CRYBG1: variants seen among roughly 807,000 people sequenced by gnomAD.
CRYBG1 encodes the protein crystallin beta-gamma domain containing 1, also known as beta/gamma crystallin domain-containing protein 1.
Under a neutral mutation model 189.2 loss-of-function variants are expected in CRYBG1, and 139 were observed. The observed-to-expected ratio is 0.73, with a 90% confidence interval of 0.64 to 0.85. CRYBG1 has a LOEUF of 0.85. Ranked by LOEUF, CRYBG1 falls within the 40% of genes least tolerant of loss-of-function variation. The probability of loss-of-function intolerance (pLI) is 0.00; values close to 1 mark genes in which losing one functional copy is unlikely to be tolerated. For synonymous variants in CRYBG1, 1,023 were observed against 1,017.1 expected, an observed-to-expected ratio of 1.01 and a Z score of -0.11; for missense variants, 2,611 against 2,675.8, an observed-to-expected ratio of 0.98 and a Z score of 0.53.
At chr6:106,493,266 A>C (rs1772765410) in intron 2 of CRYBG1, among the ~76,000 whole-genome samples, 1 of 152,240 alleles carries the variant, frequency 6.6e-6, no homozygotes, top group South Asian at 2.1e-4. Flanking sequence ...AACATTATTA[A>C]TCATTAGAGA....
chr6:106,497,331 C>A (rs966410537), intron 2 of CRYBG1, among the ~76,000 whole-genome samples: 1 of 152,206 alleles, frequency 6.6e-6, no homozygotes, highest in African/African-American at 2.4e-5. Flanking sequence ...AATATATTCA[C>A]CCCAACGAGA....
chr6:106,391,446 T>A (rs1250253130), intron 1 of CRYBG1, among the ~76,000 whole-genome samples: 1 of 152,188 alleles, frequency 6.6e-6, no homozygotes, highest in Non-Finnish European at 1.5e-5. Context: ...ATTGTGGTTT[T>A]AATTTCTATT....
chr6:106,486,920 A>T (rs1255645766), intron 2 of CRYBG1, among the ~76,000 whole-genome samples: 1 of 152,086 alleles, frequency 6.6e-6, no homozygotes, highest in Non-Finnish European at 1.5e-5. Flanking sequence ...GTTGTTATTG[A>T]TAGGTAAGGA....
intron 1 of CRYBG1, among the ~76,000 whole-genome samples, chr6:106,395,464 A>G (rs945124304): frequency 1.6e-4 from 24 of 151,622 alleles, no homozygotes; most frequent in African/African-American, 5.6e-4. Flanking sequence ...TCCTTTTTTA[A>G]CATATATTCG....
At chr6:106,542,441 C>A (rs1422485030) in intron 10 of CRYBG1, among the ~76,000 whole-genome samples, 1 of 151,224 alleles carries the variant, frequency 6.6e-6, no homozygotes, top group Admixed American at 6.6e-5. Context: ...TACCACTACA[C>A]CCAACTTTTT....
chr6:106,504,898 A>C (rs971353362), intron 2 of CRYBG1, among the ~76,000 whole-genome samples: 1 of 152,046 alleles, frequency 6.6e-6, no homozygotes, highest in Admixed American at 6.6e-5. Context: ...GGAAAATACA[A>C]TTTTAACTTT....
intron 1 of CRYBG1, among the ~76,000 whole-genome samples, chr6:106,447,296 T>C (rs952215127): frequency 2.0e-5 from 3 of 152,162 alleles, no homozygotes; most frequent in Non-Finnish European, 2.9e-5. Flanking sequence ...ACCTACACCC[T>C]ACTCATCAGG....
At chr6:106,459,045 T>C (rs1167600691) in intron 2 of CRYBG1, among the ~76,000 whole-genome samples, 2 of 152,202 alleles carry the variant, frequency 1.3e-5, no homozygotes, top group Non-Finnish European at 2.9e-5. Context: ...ATATCTTATA[T>C]TGTATGAAAA....
Position 106,563,799 on chromosome 6 carries a change from C to T in CRYBG1, c.6174C>T (p.Ser2058=), listed in dbSNP as rs1774794582. ...AEDCCLTIVG[S]LVTSGSKLGL... ...ACTGCTGCCTGACGATTGTGGGCAG[C>T]CTGGTAACATCTGGCTCCAAGCTAG... Residue 2058 remains serine (S), a synonymous_variant, in exon 21 of 22, where the codon AGC becomes AGT. Coordinates refer to ENST00000633556, the MANE Select transcript of CRYBG1 (RefSeq NM_001371242.2). 6.2e-7 allele frequency: 1 copy of T among 1,611,372 alleles called. No homozygotes were observed. The highest frequency in any genetic ancestry group is 2.2e-5 in the East Asian group (1 of 44,798).
intron 2 of CRYBG1, among the ~76,000 whole-genome samples, chr6:106,488,563 T>C (rs950521275): frequency 2.6e-5 from 4 of 152,076 alleles, no homozygotes; most frequent in African/African-American, 9.7e-5. Flanking sequence ...ACCTTACCAG[T>C]TGTCAATCCT....
chr6:106,378,083 G>A (rs555761908), intron 1 of CRYBG1, among the ~76,000 whole-genome samples: 2 of 152,258 alleles, frequency 1.3e-5, no homozygotes, highest in Non-Finnish European at 2.9e-5. Flanking sequence ...ATGGTGAGGA[G>A]TGGGAGGCCT....
intron 8 of CRYBG1, among the ~76,000 whole-genome samples, chr6:106,537,012 A>G (rs373283606): frequency 6.6e-6 from 1 of 152,206 alleles, no homozygotes; most frequent in Non-Finnish European, 1.5e-5. Flanking sequence ...GGCCTTCAGC[A>G]CTCATTTACT....
intron 21 of CRYBG1, among the ~76,000 whole-genome samples, chr6:106,565,308 A>G (rs1436621596): frequency 9.4e-6 from 1 of 106,226 alleles, no homozygotes; most frequent in Non-Finnish European, 2.0e-5. Context: ...GCGACAGGGC[A>G]AGACTTCGTC....
chr6:106,395,740 A>G (rs1041404007), intron 1 of CRYBG1, among the ~76,000 whole-genome samples: 2 of 152,140 alleles, frequency 1.3e-5, no homozygotes, highest in Non-Finnish European at 2.9e-5. Flanking sequence ...CAATTTTTAT[A>G]TTAATCCTCA....
chr6:106,516,273 G>A (rs560358847), intron 3 of CRYBG1, among the ~76,000 whole-genome samples: 11 of 145,328 alleles, frequency 7.6e-5, no homozygotes, highest in African/African-American at 1.0e-4. Flanking sequence ...TCACTCTGTC[G>A]CCCAGGCTGG....
intron 1 of CRYBG1, among the ~76,000 whole-genome samples, chr6:106,361,974 T>C (rs868172834): frequency 9.4e-5 from 12 of 128,188 alleles, no homozygotes; most frequent in South Asian, 7.4e-4. Context: ...TCTTTCTTTT[T>C]TTTTTTTTTT....
chr6:106,474,543 A>G (rs1772297859), intron 2 of CRYBG1, among the ~76,000 whole-genome samples: 1 of 152,210 alleles, frequency 6.6e-6, no homozygotes, highest in Non-Finnish European at 1.5e-5. Context: ...GAAGAAGTGA[A>G]AAAGAGTAGA....
intron 1 of CRYBG1, 37 bp from the exon 2 acceptor site, chr6:106,451,657 T>C: frequency 1.3e-6 from 2 of 1,495,370 alleles, no homozygotes; most frequent in Non-Finnish European, 1.8e-6. Context: ...GCATTGTTCA[T>C]AGTGTATTGA....
chr6:106,458,601 T>A (rs746185942), intron 2 of CRYBG1, among the ~76,000 whole-genome samples: 1 of 152,210 alleles, frequency 6.6e-6, no homozygotes, highest in Non-Finnish European at 1.5e-5. Flanking sequence ...TATTCACAGT[T>A]TTTTAAAAAG....
Sources: allele counts gnomAD v4.1 joint callset (sites outside exome capture counted in the v4.1 genomes callset), GRCh38; gene constraint gnomAD v4.1.1; transcripts MANE v1.5; gene names NCBI Gene and HGNC (gene_info 2026-07-23, HGNC 2026-07-21).